Variants in SURF4 observed in about 807,000 individuals in gnomAD.
SURF4 encodes surfeit locus protein 4.
In SURF4, 3 loss-of-function variants were observed where a neutral mutation model predicts 30.0. The ratio of observed to expected loss-of-function variants is 0.10; its 90% confidence interval spans 0.05 to 0.26. The LOEUF is 0.26. SURF4 is among the 10% of genes least tolerant of loss of function. The pLI, the probability that SURF4 is intolerant of heterozygous loss-of-function variation, is 1.00. For synonymous variants in SURF4, 143 were observed against 139.9 expected (o/e 1.02, Z -0.16); for missense variants, 217 against 350.8 (o/e 0.62, Z 3.05).
Position 133,363,356 on chromosome 9 carries a change from T to G in SURF4, c.*137A>C. 1 of 1,394,240 alleles carries G rather than the reference T, an allele frequency of 7.2e-7. No individual in the cohort carries two copies. The highest frequency in any genetic ancestry group is 1.0e-6 in the Non-Finnish European group (1 of 999,640). 86.4% of individuals were successfully genotyped at this position (1,394,240 alleles called of 1,614,324 possible). A position where few individuals can be genotyped will look rare whatever the true frequency, so the allele number is the denominator to read the frequency against. On this transcript the variant is annotated 3_prime_UTR_variant, in exon 6 of 6. Coordinates refer to ENST00000371989, the MANE Select transcript of SURF4 (RefSeq NM_033161.4). This position sits in a 1 kb window ranked among gnomAD's most constrained non-coding sequence, Gnocchi z 4.3. ...TTCTCAGGTGTCTCTGCAAATAAAG[T>G]TCTCAAAACATCTGTGCCTTTACCA...
intron 1 of SURF4, chr9:133,372,510 T>C (rs1588719363): frequency 1.2e-6 from 1 of 811,908 alleles, no homozygotes; most frequent in African/African-American, 1.9e-5. Context: ...ATGTCTATCA[T>C]GGACCCGGCC....
chr9:133,375,782 C>T, intron 1 of SURF4, 140 bp downstream of exon 1: 3 of 899,326 alleles, frequency 3.3e-6, no homozygotes, highest in Non-Finnish European at 4.3e-6. Context: ...ACAGAGGGCC[C>T]GGGCGGGGGG....
In SURF4 at chr9:133,362,893, A is replaced by C. The variant is rs1019244712; in HGVS notation, c.*600T>G. Reference sequence around the variant, plus strand: ...TTTTCTGACCGATGACTTTTATCATAAACAGCAGCTTCTACCACCCCTTTA... The same window carrying C: ...TTTTCTGACCGATGACTTTTATCATCAACAGCAGCTTCTACCACCCCTTTA... On this transcript the variant is annotated 3_prime_UTR_variant, in exon 6 of 6. Transcript: ENST00000371989. 6.3e-6 allele frequency: 1 copy of C among 159,028 alleles called. No individual in the cohort carries two copies. The highest frequency in any genetic ancestry group is 2.4e-5 in the African/African-American group (1 of 41,482). The allele number at this position is 159,028 out of a possible 1,614,324, so 9.9% of individuals were successfully genotyped here. A position where few individuals can be genotyped will look rare whatever the true frequency, so the allele number is the denominator to read the frequency against.
intron 1 of SURF4, among the ~76,000 whole-genome samples, 179 bp downstream of exon 1, chr9:133,375,743 G>A (rs1312051584): frequency 6.6e-6 from 1 of 152,098 alleles, no homozygotes; most frequent in Non-Finnish European, 1.5e-5. Context: ...ACTGGGCCCG[G>A]AGGCCGGGTT....
At chr9:133,373,791 G>T (rs138453130) in intron 1 of SURF4, among the ~76,000 whole-genome samples, 1 of 150,706 alleles carries the variant, frequency 6.6e-6, no homozygotes, top group Non-Finnish European at 1.5e-5. Context: ...GTGGTGGCAG[G>T]CGCCTGTAAT....
intron 1 of SURF4, among the ~76,000 whole-genome samples, chr9:133,374,741 G>A (rs1284917434): frequency 6.6e-6 from 1 of 152,074 alleles, no homozygotes; most frequent in Non-Finnish European, 1.5e-5. Flanking sequence ...ACTAGAAAGA[G>A]ATCACCCCCC....
At chr9:133,370,950 C>T (rs1378870326) in intron 1 of SURF4, 1 of 1,289,536 alleles carries the variant, frequency 7.8e-7, no homozygotes, top group Non-Finnish European at 1.0e-6. Flanking sequence ...TAAGCAGTGA[C>T]AGCATCTGAG....
At chr9:133,375,300 C>G (rs994069100) in intron 1 of SURF4, 67 of 985,468 alleles carry the variant, frequency 6.8e-5, no homozygotes, top group Non-Finnish European at 8.0e-5. Context: ...AGGCTGTGTA[C>G]AGGTCCCCAC....
chr9:133,371,159 T>G, intron 1 of SURF4: 3 of 984,460 alleles, frequency 3.0e-6, no homozygotes, highest in Non-Finnish European at 3.6e-6. Flanking sequence ...AGAAAGAAAT[T>G]GAGGAAAGCA....
intron 1 of SURF4, among the ~76,000 whole-genome samples, chr9:133,374,079 G>C (rs2130219461): frequency 6.6e-6 from 1 of 152,088 alleles, no homozygotes; most frequent in Non-Finnish European, 1.5e-5. Context: ...AGGTTTTCCA[G>C]GACAAAGAGC....
intron 1 of SURF4, chr9:133,372,487 G>T: frequency 1.5e-6 from 1 of 668,626 alleles, no homozygotes; most frequent in Non-Finnish European, 1.8e-6. Context: ...CAGTCAAGAA[G>T]TTCACAAAAG....
chr9:133,370,797 C>A (rs1404466891), intron 1 of SURF4: 1 of 1,114,112 alleles, frequency 9.0e-7, no homozygotes, highest in Non-Finnish European at 1.2e-6. Flanking sequence ...CCCTCCCCCC[C>A]ATTAGAGAAC....
In SURF4 at chr9:133,364,872, T is replaced by C. The variant is rs1837073232; in HGVS notation, c.511A>G (p.Thr171Ala). The change falls in exon 5 of 6, where the codon ACC becomes GCC. Residue 171 changes from threonine to alanine, a missense_variant. Coordinates refer to ENST00000371989, the MANE Select transcript of SURF4 (RefSeq NM_033161.4). ...GRVLLVLMFM[T>A]LLHFDASFFS... is the part of the protein sequence containing the mutation. ...AAGCTGGCGTCAAAGTGAAGGAGGG[T>C]CATGAACATCAGAACCAGCAAGACC... 1 of 1,613,328 alleles carries C rather than the reference T, an allele frequency of 6.2e-7. No homozygotes were observed. Among genetic ancestry groups the C allele is most frequent in the Non-Finnish European group, 8.5e-7 (1 of 1,179,876 alleles).
intron 1 of SURF4, among the ~76,000 whole-genome samples, chr9:133,374,426 C>T (rs976700531): frequency 2.0e-5 from 3 of 151,316 alleles, no homozygotes; most frequent in Admixed American, 6.6e-5. Context: ...CTGGGTGTGA[C>T]GGTGCATGCC....
chr9:133,364,406 C>T (rs922701763), intron 5 of SURF4, among the ~76,000 whole-genome samples: 3 of 152,150 alleles, frequency 2.0e-5, no homozygotes, highest in African/African-American at 7.2e-5. Flanking sequence ...AAAAAGTTTG[C>T]TCCGCCGAGC....
intron 1 of SURF4, among the ~76,000 whole-genome samples, chr9:133,372,900 A>G (rs1837586105): frequency 6.6e-6 from 1 of 152,178 alleles, no homozygotes; most frequent in South Asian, 2.1e-4. Context: ...GGCGAGTACA[A>G]GTAGCTGCCC....
chr9:133,362,632 C>T lies in SURF4; in HGVS notation c.*861G>A, dbSNP rs2130077799. ...GGGAGCTCCTGCCACACCCCCTGCC[C>T]ACAGCGGCTGCGGCTCTGCAAGCTG... On this transcript the variant is annotated 3_prime_UTR_variant, in exon 6 of 6. Transcript: ENST00000371989. The T allele has an allele frequency of 6.5e-6, 1 of 152,984 alleles. No homozygotes were observed. Among genetic ancestry groups the T allele is most frequent in the South Asian group, 2.1e-4 (1 of 4,836 alleles). 9.5% of individuals were successfully genotyped at this position (152,984 alleles called of 1,614,324 possible).
chr9:133,372,481 CAAG>C (rs1027703550), intron 1 of SURF4: 6 of 617,914 alleles, frequency 9.7e-6, no homozygotes, highest in Non-Finnish European at 1.2e-5. Context: ...CTCCTACAGT[CAAG>C]AAGTTCACAA....
At chr9:133,368,497 G>A (rs1032536739) in intron 1 of SURF4, among the ~76,000 whole-genome samples, 1 of 152,236 alleles carries the variant, frequency 6.6e-6, no homozygotes, top group Non-Finnish European at 1.5e-5. Flanking sequence ...AGCTGGTACC[G>A]CTAATGGCTA....
Sources: allele counts gnomAD v4.1 joint callset (sites outside exome capture counted in the v4.1 genomes callset), GRCh38; gene constraint gnomAD v4.1.1; non-coding constraint Gnocchi (gnomAD v3.1); transcripts MANE v1.5; gene names NCBI Gene and HGNC (gene_info 2026-07-23, HGNC 2026-07-21).